ZNF729: variants seen among roughly 807,000 people sequenced by gnomAD.
The protein encoded by ZNF729 is zinc finger protein 729.
A neutral mutation model predicts 12.2 loss-of-function variants in ZNF729; 15 were observed. That is an observed-to-expected ratio of 1.23 (90% confidence interval 0.82 to 1.89). ZNF729 has a LOEUF of 1.89. Among genes scored for constraint, ZNF729 ranks in the 40% most tolerant of loss-of-function variants. The probability of loss-of-function intolerance (pLI) is 0.00; values close to 1 mark genes in which losing one functional copy is unlikely to be tolerated. For missense variants in ZNF729, 1,540 were observed against 1,456.7 expected, an observed-to-expected ratio of 1.06 and a Z score of -0.93; for synonymous variants, 492 against 476.3, an observed-to-expected ratio of 1.03 and a Z score of -0.43.
intron 1 of ZNF729, among the ~76,000 whole-genome samples, chr19:22,294,939 G>C (rs1244911301): frequency 6.6e-6 from 1 of 151,868 alleles, no homozygotes; most frequent in Admixed American, 6.6e-5. Flanking sequence ...TTACAGGCAT[G>C]AGCTACCGTG....
chr19:22,301,133 G>A lies in ZNF729; in HGVS notation c.31-2625G>A, dbSNP rs558507173. Among the ~76,000 whole-genome samples the A allele has an allele frequency of 9.9e-5, 15 of 152,210 alleles. No individual in the cohort carries two copies. The South Asian group carries it at 2.5e-3, about 25-fold the overall frequency. On this transcript the variant is annotated intron_variant, in intron 1 of 3. Coordinates refer to ENST00000601693, the MANE Select transcript of ZNF729 (RefSeq NM_001242680.2). Reference sequence around the variant, plus strand: ...CACACTGGACACTATAACTTGTACCGTAAAACTTAATGGTGTATATCCAAT... The same window carrying A: ...CACACTGGACACTATAACTTGTACCATAAAACTTAATGGTGTATATCCAAT...
chr19:22,303,637 G>A (rs968632785), intron 1 of ZNF729, 121 bp from the exon 2 acceptor site: 78 of 867,578 alleles, frequency 9.0e-5, no homozygotes, highest in Non-Finnish European at 5.8e-5. Context: ...GGATATGTTC[G>A]GTCATCCCTA....
chr19:22,287,969 C>T (rs1339360030), intron 1 of ZNF729, among the ~76,000 whole-genome samples: 1 of 151,928 alleles, frequency 6.6e-6, no homozygotes, highest in African/African-American at 2.4e-5. Context: ...CCTCAACCTC[C>T]TGAGTAGCTG....
At chr19:22,286,689 C>T (rs558768541) in intron 1 of ZNF729, 134 bp downstream of exon 1, 45 of 1,158,336 alleles carry the variant, frequency 3.9e-5, no homozygotes, top group Non-Finnish European at 5.4e-5. Context: ...CCCATCTCGG[C>T]CTCAGTCTCC....
At chr19:22,295,557 C>T (rs753825676) in intron 1 of ZNF729, among the ~76,000 whole-genome samples, 2 of 151,940 alleles carry the variant, frequency 1.3e-5, no homozygotes, top group African/African-American at 2.4e-5. Flanking sequence ...CGCACCACTA[C>T]GCCCGGCTGA....
chr19:22,294,657 C>CTTTTTTTTTTTTTTTTTTTTTTTTTTTTT (rs71180535), intron 1 of ZNF729, among the ~76,000 whole-genome samples: 3 of 92,440 alleles, frequency 3.2e-5, no homozygotes, highest in Non-Finnish European at 6.8e-5. Context: ...TTTTCTTTTT[C>CTTTTTTTTTTTTTTTTTTTTTTTTTTTTT]TTTTTTTTTT....
Position 22,316,405 on chromosome 19 carries a change from A to C in ZNF729, c.2988A>C (p.Glu996Asp). ...HTGEKPYKCE[E>D]CGKDFNNSST... ...GGGAGAAACCCTACAAATGCGAAGA[A>C]TGTGGCAAAGATTTTAACAATTCCT... Residue 996 changes from glutamate to aspartate, a missense_variant, in exon 4 of 4, where the codon GAA (glutamate) becomes GAC (aspartate). Glu to Asp is a conservative substitution (Grantham distance 45). Transcript: ENST00000601693. The C allele has an allele frequency of 6.2e-7, 1 of 1,613,778 alleles. No individual in the cohort carries two copies. The highest frequency in any genetic ancestry group is 1.1e-5 in the South Asian group (1 of 91,064).
At chr19:22,294,240 C>T (rs1175899926) in intron 1 of ZNF729, among the ~76,000 whole-genome samples, 1 of 152,162 alleles carries the variant, frequency 6.6e-6, no homozygotes, top group Non-Finnish European at 1.5e-5. Flanking sequence ...TTCCCACATT[C>T]CTCTTGTTAG....
At chr19:22,311,175 G>A (rs936923803) in intron 3 of ZNF729, among the ~76,000 whole-genome samples, 20 of 151,476 alleles carry the variant, frequency 1.3e-4, no homozygotes, top group Non-Finnish European at 2.7e-4. Context: ...TTTGTCTGTT[G>A]GTTTGTTTCA....
intron 1 of ZNF729, among the ~76,000 whole-genome samples, chr19:22,288,176 CCAT>C (rs2145037778): frequency 6.6e-6 from 1 of 152,110 alleles, no homozygotes; most frequent in African/African-American, 2.4e-5. Flanking sequence ...ATTTTTGATA[CCAT>C]GTTTTAATTA....
intron 1 of ZNF729, among the ~76,000 whole-genome samples, chr19:22,286,912 C>T (rs1968085862): frequency 6.6e-6 from 1 of 152,150 alleles, no homozygotes; most frequent in African/African-American, 2.4e-5. Context: ...GAGCTTTGGT[C>T]CAGTGAGGTT....
In ZNF729 at chr19:22,315,979, T is replaced by C; in HGVS notation, c.2562T>C (p.Cys854=). The C allele has an allele frequency of 1.2e-6, 2 of 1,611,110 alleles. No homozygotes were observed. Among genetic ancestry groups the C allele is most frequent in the Non-Finnish European group, 1.7e-6 (2 of 1,179,742 alleles). The change falls in exon 4 of 4, where the codon TGT becomes TGC. Residue 854 remains cysteine, a synonymous_variant. Transcript: ENST00000601693. The part of the protein sequence containing the change: ...VIHTGKKPYK[C]EECGKAFSQS... ...ATACTGGAAAGAAACCCTACAAATGTGAAGAATGTGGCAAAGCTTTTAGCC... is the reference window on the plus strand; with the variant it reads ...ATACTGGAAAGAAACCCTACAAATGCGAAGAATGTGGCAAAGCTTTTAGCC...
intron 3 of ZNF729, among the ~76,000 whole-genome samples, chr19:22,310,079 G>T (rs1968432781): frequency 1.3e-5 from 2 of 151,898 alleles, no homozygotes; most frequent in African/African-American, 2.4e-5. Context: ...TGAAAGCTTT[G>T]CTGAATTATT....
Position 22,304,731 on chromosome 19 carries a change from A to C in ZNF729, c.201A>C (p.Gln67His), listed in dbSNP as rs1178123990. The C allele has an allele frequency of 6.2e-6, 10 of 1,613,476 alleles. No individual in the cohort carries two copies. Among genetic ancestry groups the C allele is most frequent in the Non-Finnish European group, 8.5e-6 (10 of 1,179,738 alleles). The change falls in exon 3 of 4, where the codon CAA becomes CAC. Residue 67 changes from glutamine (Q) to histidine (H), a missense_variant. By Grantham distance (24) the Gln-to-His change is conservative (BLOSUM62 0). Coordinates refer to ENST00000601693, the MANE Select transcript of ZNF729 (RefSeq NM_001242680.2). ...FKPDLITCLK[Q>H]GKEPWNMKRH... ...CAGACTTGATAACTTGTCTGAAGCA[A>C]GGGAAAGAGCCTTGGAATATGAAGA...
chr19:22,288,575 G>A (rs1200203432), intron 1 of ZNF729, among the ~76,000 whole-genome samples: 1 of 152,104 alleles, frequency 6.6e-6, no homozygotes, highest in African/African-American at 2.4e-5. Flanking sequence ...TTTCAGGGAA[G>A]CAGGCGGATG....
intron 1 of ZNF729, chr19:22,299,013 A>G (rs1332743697): frequency 6.6e-6 from 1 of 152,216 alleles, no homozygotes; most frequent in African/African-American, 2.4e-5. Flanking sequence ...ATGTATTTCA[A>G]TATATAACCC....
chr19:22,316,761 A>G lies in ZNF729; in HGVS notation c.3344A>G (p.Asn1115Ser), dbSNP rs778520815. 29 of 1,612,896 alleles carry G rather than the reference A, an allele frequency of 1.8e-5. No homozygotes were observed. Among genetic ancestry groups the G allele is most frequent in the Non-Finnish European group, 1.9e-5 (23 of 1,179,790 alleles). The change falls in exon 4 of 4, where the codon AAT becomes AGT. Residue 1115 changes from asparagine (N) to serine (S), a missense_variant. Transcript: ENST00000601693. ...GACGAATGTGGCAAAGCTTTTAACA[A>G]TTCCTCAACCCTTACGAAACATAAG... The part of the protein sequence containing the change: ...QCDECGKAFN[N>S]SSTLTKHKII...
intron 1 of ZNF729, among the ~76,000 whole-genome samples, chr19:22,301,159 C>T (rs1195766396): frequency 6.6e-6 from 1 of 152,144 alleles, no homozygotes; most frequent in Non-Finnish European, 1.5e-5. Flanking sequence ...TATATCCAAT[C>T]AATAATCAAT....
intron 3 of ZNF729, among the ~76,000 whole-genome samples, chr19:22,305,449 T>C (rs1482548658): frequency 1.3e-5 from 2 of 152,176 alleles, no homozygotes; most frequent in African/African-American, 4.8e-5. Flanking sequence ...AACAGTTATG[T>C]TGCTATATAT....
Sources: allele counts gnomAD v4.1 joint callset (sites outside exome capture counted in the v4.1 genomes callset), GRCh38; gene constraint gnomAD v4.1.1; transcripts MANE v1.5; gene names NCBI Gene and HGNC (gene_info 2026-07-23, HGNC 2026-07-21).